NUP205: variants seen among roughly 807,000 people sequenced by gnomAD.
The protein encoded by NUP205 is nucleoporin 205.
In NUP205, 76 loss-of-function variants were observed where a neutral mutation model predicts 253.8. The ratio of observed to expected loss-of-function variants is 0.30; its 90% CI spans 0.25 to 0.36. The LOEUF is 0.36. Among genes scored for constraint, NUP205 ranks in the 10% least tolerant of loss-of-function variants. The pLI is 1.00. For synonymous variants in NUP205, 832 were observed against 850.1 expected, an observed-to-expected ratio of 0.98 and a Z score of 0.37; for missense variants, 2,162 against 2,425.5, an observed-to-expected ratio of 0.89 and a Z score of 2.28.
Position 135,648,593 on chromosome 7 carries a change from T to C in NUP205, c.*37T>C, listed in dbSNP as rs1795061000. The C allele has an allele frequency of 1.4e-6, 2 of 1,400,934 alleles. No individual in the cohort carries two copies. The highest frequency in any genetic ancestry group is 2.7e-5 in the East Asian group (1 of 37,384). 86.8% of individuals were successfully genotyped at this position (1,400,934 alleles called of 1,614,324 possible). A position where few individuals can be genotyped will look rare whatever the true frequency, so the allele number is the denominator to read the frequency against. ...TATGCTCTTCTATGAGAGAGATGAA[T>C]TGGGGAGAATTGTCTCCATTTTATA... is the stretch of plus-strand genomic sequence containing the variant. On this transcript the variant is annotated 3_prime_UTR_variant, in exon 43 of 43. Transcript: ENST00000285968.
At chr7:135,591,812 C>T (rs1806637510) in intron 11 of NUP205, among the ~76,000 whole-genome samples, 1 of 152,144 alleles carries the variant, frequency 6.6e-6, no homozygotes, top group African/African-American at 2.4e-5. Context: ...TGTCATTCTC[C>T]TTTATAAAAT....
chr7:135,570,654 T>C (rs975073282), intron 1 of NUP205, among the ~76,000 whole-genome samples: 1 of 127,782 alleles, frequency 7.8e-6, no homozygotes, highest in Admixed American at 9.5e-5. Flanking sequence ...AGCAATCATT[T>C]ATTATATTAA....
intron 38 of NUP205, among the ~76,000 whole-genome samples, chr7:135,641,027 T>C (rs944546419): frequency 6.6e-6 from 1 of 151,548 alleles, no homozygotes; most frequent in African/African-American, 2.4e-5. Context: ...ATCATGCCTC[T>C]AACAAAAAAA....
intron 36 of NUP205, 65 bp from the exon 37 acceptor site, chr7:135,637,866 T>C: frequency 1.4e-6 from 2 of 1,458,356 alleles, no homozygotes; most frequent in East Asian, 2.3e-5. Flanking sequence ...TTCTTGTTTC[T>C]ATCCCTCAAG....
At chr7:135,584,693 A>G in intron 7 of NUP205, 139 bp from the exon 8 acceptor site, 2 of 705,802 alleles carry the variant, frequency 2.8e-6, no homozygotes, top group South Asian at 1.7e-5. Flanking sequence ...TTACAGTTAT[A>G]TATAGTCTCA....
rs764275655 is a variant in NUP205, at chr7:135,619,542, A to T, written c.4083A>T (p.Gly1361=). 1.2e-6 allele frequency: 2 copies of T among 1,613,948 alleles called. No homozygotes were observed. The highest frequency in any genetic ancestry group is 1.7e-6 in the Non-Finnish European group (2 of 1,180,028). The part of the protein sequence containing the change: ...LTEQKETSVL[G]PAEAHYAFML... ...AACAGAAGGAAACATCAGTCTTGGGACCAGCAGAGGCCCATTACGCTTTTA... is the reference window on the plus strand; with the variant it reads ...AACAGAAGGAAACATCAGTCTTGGGTCCAGCAGAGGCCCATTACGCTTTTA... Residue 1361 remains glycine, a synonymous_variant, in exon 29 of 43, where the codon GGA becomes GGT. Coordinates refer to ENST00000285968, the MANE Select transcript of NUP205 (RefSeq NM_015135.3).
At chr7:135,574,216 A>G (rs1584642011) in intron 3 of NUP205, among the ~76,000 whole-genome samples, 1 of 152,192 alleles carries the variant, frequency 6.6e-6, no homozygotes, top group East Asian at 1.9e-4. Flanking sequence ...GAAATTTTAT[A>G]GCACAAAGCA....
At chr7:135,590,213 G>A (rs1346635801) in intron 10 of NUP205, among the ~76,000 whole-genome samples, 1 of 150,252 alleles carries the variant, frequency 6.7e-6, no homozygotes, top group Non-Finnish European at 1.5e-5. Flanking sequence ...CTGGGTTTAA[G>A]TGATTCTACC....
rs569786852 is a variant in NUP205 at position 135,607,623 on chromosome 7, A to G, written c.3195+252A>G. On this transcript the variant is annotated intron_variant, in intron 22 of 42. Transcript: ENST00000285968. ...TGTGATGGATTTTTACCAGTAGTGT[A>G]GAAACTTTCCAACAGTGCTGTGTTT... Among the ~76,000 whole-genome samples the G allele has an allele frequency of 8.5e-5, 13 of 152,360 alleles. No individual in the cohort carries two copies. In the South Asian group the frequency reaches 2.3e-3, roughly 27 times the overall value.
At chr7:135,645,095 G>A in intron 40 of NUP205, 77 bp downstream of exon 40, 1 of 1,540,472 alleles carries the variant, frequency 6.5e-7, no homozygotes, top group Non-Finnish European at 8.8e-7. Flanking sequence ...ATATTATTTG[G>A]GCACCAAAAC....
chr7:135,574,012 G>T (rs1306654681), intron 3 of NUP205, among the ~76,000 whole-genome samples, 187 bp downstream of exon 3: 1 of 151,532 alleles, frequency 6.6e-6, no homozygotes, highest in African/African-American at 2.4e-5. Context: ...TCGCTCTGTT[G>T]CCCAGGCTGG....
intron 17 of NUP205, 58 bp from the exon 18 acceptor site, chr7:135,602,747 T>A: frequency 7.5e-7 from 1 of 1,339,004 alleles, no homozygotes. Flanking sequence ...TTCCTAAGAA[T>A]TGACTGTGAG....
chr7:135,570,042 TATATATATATAGAGAG>T (rs1389488021), intron 1 of NUP205, among the ~76,000 whole-genome samples: 2 of 99,742 alleles, frequency 2.0e-5, no homozygotes, highest in Non-Finnish European at 4.5e-5. Flanking sequence ...TATATATATA[TATATATATATAGAGAG>T]AGAGAGAGAG....
chr7:135,628,109 C>A lies in NUP205; in HGVS notation c.4930C>A (p.Gln1644Lys). 6.2e-7 allele frequency: 1 copy of A among 1,608,170 alleles called. No homozygotes were observed. The highest frequency in any genetic ancestry group is 8.5e-7 in the Non-Finnish European group (1 of 1,177,728). The change falls in exon 34 of 43, where the codon CAG becomes AAG. Residue 1644 changes from glutamine to lysine, a missense_variant and splice_region_variant. By Grantham distance (53) the Gln-to-Lys change is moderately conservative (BLOSUM62 1). Coordinates refer to ENST00000285968, the MANE Select transcript of NUP205 (RefSeq NM_015135.3). ...GGCCCAGCACTTGCAGGCAGCAGGG[C>A]AGGTAAGGTGAACCCTTTGTTTAGA... ...SMAQHLQAAG[Q>K]VLQFLISHSD...
At chr7:135,633,520 G>A (rs1223693616) in intron 35 of NUP205, among the ~76,000 whole-genome samples, 1 of 152,280 alleles carries the variant, frequency 6.6e-6, no homozygotes, top group Admixed American at 6.5e-5. Context: ...ATGTGTGTGT[G>A]TACTTATCTG....
At chr7:135,562,406 C>A (rs2129489439) in intron 1 of NUP205, among the ~76,000 whole-genome samples, 1 of 152,036 alleles carries the variant, frequency 6.6e-6, no homozygotes, top group African/African-American at 2.4e-5. Context: ...CCACGTTGGC[C>A]AGGGGTGCCT....
intron 39 of NUP205, among the ~76,000 whole-genome samples, chr7:135,644,414 A>T (rs1163091906): frequency 6.6e-6 from 1 of 152,222 alleles, no homozygotes; most frequent in Non-Finnish European, 1.5e-5. Flanking sequence ...CAGCATCAGA[A>T]CATTAGCTGG....
At chr7:135,593,863 A>C (rs1793756527) in intron 12 of NUP205, among the ~76,000 whole-genome samples, 5 of 152,178 alleles carry the variant, frequency 3.3e-5, no homozygotes. Flanking sequence ...GTTAACATAC[A>C]AAGTTACAGA....
intron 34 of NUP205, among the ~76,000 whole-genome samples, chr7:135,629,518 TC>T (rs1794664103): frequency 1.4e-5 from 2 of 140,350 alleles, no homozygotes; most frequent in African/African-American, 2.6e-5. Flanking sequence ...TCTGTCTCTC[TC>T]TCTGTCTCTC....
Sources: allele counts gnomAD v4.1 joint callset (sites outside exome capture counted in the v4.1 genomes callset), GRCh38; gene constraint gnomAD v4.1.1; transcripts MANE v1.5; gene names NCBI Gene and HGNC (gene_info 2026-07-23, HGNC 2026-07-21).